IFTAP: variants seen among roughly 807,000 people sequenced by gnomAD.
IFTAP encodes intraflagellar transport-associated protein.
In IFTAP, 19 loss-of-function variants were observed where a neutral mutation model predicts 19.4. The observed-to-expected ratio is 0.98, with a 90% CI of 0.68 to 1.44. IFTAP has a LOEUF of 1.44. Among genes scored for constraint, IFTAP ranks in the 40% most tolerant of loss-of-function variants. The probability of loss-of-function intolerance (pLI) is 0.00; values close to 1 mark genes in which losing one functional copy is unlikely to be tolerated. For missense variants in IFTAP, 240 were observed against 253.6 expected (o/e 0.95, Z 0.36); for synonymous variants, 85 against 83.5 (o/e 1.02, Z -0.10).
At chr11:36,612,457 A>G (rs1851910072) in intron 2 of IFTAP, among the ~76,000 whole-genome samples, 1 of 152,064 alleles carries the variant, frequency 6.6e-6, no homozygotes, top group African/African-American at 2.4e-5. Flanking sequence ...ACTTAGGGAC[A>G]GGTCTGAGAG....
At position 36,598,211 on chromosome 11, in the gene IFTAP, A is replaced by G. The variant is rs73455545; in HGVS notation, c.-24+3619A>G. On this transcript the variant is annotated intron_variant, in intron 1 of 5. Transcript: ENST00000334307. ...CTGACTGCCCACTATGACTGTGGCA[A>G]GCAGAAGGCTGACTGTAAAGAGAGT... 16,241 of 151,976 alleles carry G rather than the reference A, an allele frequency of 0.11. 992 individuals carry two copies. Among genetic ancestry groups the G allele is most frequent in the African/African-American group, 0.15 (6,252 of 41,426 alleles). The allele number at this position is 151,976 out of a possible 1,614,324, so 9.4% of individuals were successfully genotyped here. A position where few individuals can be genotyped will look rare whatever the true frequency, so the allele number is the denominator to read the frequency against.
chr11:36,652,678 T>A (rs1343910180), intron 5 of IFTAP, among the ~76,000 whole-genome samples: 1 of 152,168 alleles, frequency 6.6e-6, no homozygotes, highest in Non-Finnish European at 1.5e-5. Flanking sequence ...AGTATGATAT[T>A]GGCTGTGGGT....
At chr11:36,621,451 C>T (rs967786082) in intron 2 of IFTAP, among the ~76,000 whole-genome samples, 7 of 151,834 alleles carry the variant, frequency 4.6e-5, no homozygotes, top group East Asian at 1.9e-4. Flanking sequence ...ATTTAAGTGA[C>T]GCCCATCAGC....
intron 4 of IFTAP, among the ~76,000 whole-genome samples, chr11:36,640,396 T>C (rs1321545942): frequency 6.6e-6 from 1 of 152,248 alleles, no homozygotes; most frequent in East Asian, 1.9e-4. Context: ...TACATCTTTA[T>C]TCTTAAGTAT....
intron 5 of IFTAP, among the ~76,000 whole-genome samples, chr11:36,652,209 G>A (rs1853770211): frequency 6.6e-6 from 1 of 152,122 alleles, no homozygotes; most frequent in African/African-American, 2.4e-5. Context: ...CCATTTGTTT[G>A]TGTTCTCTTT....
In IFTAP at chr11:36,636,920, G is replaced by T. The variant is rs573193507; in HGVS notation, c.358+803G>T. 1.3e-4 allele frequency among the ~76,000 whole-genome samples: 18 copies of T among 142,560 alleles called. No individual in the cohort carries two copies. The East Asian group carries it at 2.5e-3, about 20-fold the overall frequency. 93.5% of individuals were successfully genotyped at this position (142,560 alleles called of 152,430 possible). On this transcript the variant is annotated intron_variant, in intron 4 of 5. Coordinates refer to ENST00000334307, the MANE Select transcript of IFTAP (RefSeq NM_138787.4). ...ATGTTTGAAATATGTTCAAAATCAG[G>T]AAGTTTTTTTTTTTTTTTTTTAAAC...
intron 4 of IFTAP, among the ~76,000 whole-genome samples, chr11:36,637,253 C>T (rs1047131722): frequency 1.3e-5 from 2 of 152,150 alleles, no homozygotes; most frequent in Non-Finnish European, 2.9e-5. Context: ...AAGAAATGAA[C>T]ATTTTTATTC....
At chr11:36,645,981 T>C (rs1176685384) in intron 4 of IFTAP, among the ~76,000 whole-genome samples, 5 of 152,176 alleles carry the variant, frequency 3.3e-5, no homozygotes, top group East Asian at 1.9e-4. Flanking sequence ...TAGATATGCA[T>C]TGGTGCATTT....
intron 5 of IFTAP, among the ~76,000 whole-genome samples, chr11:36,657,531 T>A (rs1478247744): frequency 6.6e-6 from 1 of 152,172 alleles, no homozygotes; most frequent in Non-Finnish European, 1.5e-5. Context: ...AGAAAAGGTC[T>A]TCTCTCCAAA....
intron 2 of IFTAP, among the ~76,000 whole-genome samples, chr11:36,623,995 G>GTATA (rs57990971): frequency 2.7e-5 from 4 of 148,640 alleles, no homozygotes; most frequent in Admixed American, 6.7e-5. Context: ...ATATATGTGT[G>GTATA]TATATATATA....
chr11:36,622,969 G>T (rs1852362100), intron 2 of IFTAP, among the ~76,000 whole-genome samples: 1 of 152,062 alleles, frequency 6.6e-6, no homozygotes, highest in Non-Finnish European at 1.5e-5. Flanking sequence ...CTGGTGGATG[G>T]ATGCAATACT....
intron 1 of IFTAP, among the ~76,000 whole-genome samples, chr11:36,609,798 T>G (rs1453304168): frequency 6.6e-6 from 1 of 152,158 alleles, no homozygotes; most frequent in African/African-American, 2.4e-5. Context: ...TTTCTAATTG[T>G]GTAATTGGGT....
In IFTAP at chr11:36,633,439, G is replaced by T. The variant is rs755534432; in HGVS notation, c.291+1G>T. On this transcript the variant is annotated splice_donor_variant, in intron 3 of 5. Transcript: ENST00000334307. LOFTEE classifies it high-confidence loss of function. ...TTCATCACAATGTTTGGAAGAACAG[G>T]TAATACCAACATAGTACATGTATAG... The T allele has an allele frequency of 3.8e-6, 6 of 1,578,362 alleles. No homozygotes were observed. In the Admixed American group the frequency reaches 1.1e-4, roughly 29 times the overall value.
At chr11:36,605,095 T>C (rs888465742) in intron 1 of IFTAP, among the ~76,000 whole-genome samples, 7 of 152,130 alleles carry the variant, frequency 4.6e-5, no homozygotes, top group African/African-American at 1.2e-4. Flanking sequence ...ACACACCTTG[T>C]GCAATTGTTG....
chr11:36,595,539 C>T (rs542464528), intron 1 of IFTAP, among the ~76,000 whole-genome samples: 1 of 152,232 alleles, frequency 6.6e-6, no homozygotes, highest in Non-Finnish European at 1.5e-5. Flanking sequence ...TAAACAATGG[C>T]TGAGTGTGGA....
At chr11:36,597,936 C>G (rs1851343907) in intron 1 of IFTAP, among the ~76,000 whole-genome samples, 1 of 152,076 alleles carries the variant, frequency 6.6e-6, no homozygotes, top group Non-Finnish European at 1.5e-5. Context: ...AGCCAGAGAA[C>G]AGAAAGCCCC....
chr11:36,656,553 G>C (rs1224117012), intron 5 of IFTAP, among the ~76,000 whole-genome samples: 1 of 151,006 alleles, frequency 6.6e-6, no homozygotes, highest in African/African-American at 2.4e-5. Context: ...CTGGGTGACA[G>C]AGGGAGTCTC....
rs774665328 is a variant in IFTAP, at chr11:36,648,033, G to A, written c.376G>A (p.Gly126Arg). ...TCCAACAGATTTGCTGCTGCTTCCA[G>A]GAGAAGTGGAGCAGGATGTAAGCAC... ...QMSEDLLLLPGEVEQDVSTSI... is the reference protein window; with the variant it reads ...QMSEDLLLLPREVEQDVSTSI... Residue 126 changes from glycine (G) to arginine (R), a missense_variant, in exon 5 of 6, where the codon GGA (glycine) becomes AGA (arginine). By Grantham distance (125) the Gly-to-Arg change is moderately radical. Transcript: ENST00000334307. The A allele has an allele frequency of 4.3e-6, 7 of 1,612,956 alleles. No individual in the cohort carries two copies. In the East Asian group the frequency reaches 1.3e-4, roughly 31 times the overall value.
chr11:36,596,496 G>T (rs1851263119), intron 1 of IFTAP, among the ~76,000 whole-genome samples: 1 of 152,014 alleles, frequency 6.6e-6, no homozygotes, highest in East Asian at 1.9e-4. Context: ...TTTATATCAT[G>T]GCCTACCCAA....
Sources: gnomAD v4.1 joint callset for allele counts (sites outside exome capture counted in the v4.1 genomes callset) on GRCh38, gnomAD v4.1.1 for gene constraint, MANE v1.5 for transcripts, NCBI Gene and HGNC (gene_info 2026-07-23, HGNC 2026-07-21) for gene names.